Variants in ACVR2A observed in about 807,000 individuals in gnomAD.
ACVR2A encodes the protein activin A receptor type 2A.
ACVR2A carries 7 observed loss-of-function variants against 61.4 expected under a neutral mutation model. That is an observed-to-expected ratio of 0.11 (90% CI 0.06 to 0.21). The LOEUF is 0.21. Ranked by LOEUF, ACVR2A falls within the 10% of genes least tolerant of loss-of-function variation. The pLI is 1.00. For missense variants in ACVR2A, 322 were observed against 621.7 expected, an observed-to-expected ratio of 0.52 and a Z score of 5.13; for synonymous variants, 193 against 208.3, an observed-to-expected ratio of 0.93 and a Z score of 0.63.
At position 147,917,543 on chromosome 2, in the gene ACVR2A, C is replaced by A. The variant is rs1040618281; in HGVS notation, c.816+117C>A. The A allele has an allele frequency of 7.2e-6, 8 of 1,105,902 alleles. No homozygotes were observed. The African/African-American group carries it at 9.9e-5, about 14-fold the overall frequency. 68.5% of individuals were successfully genotyped at this position (1,105,902 alleles called of 1,614,324 possible). A position where few individuals can be genotyped will look rare whatever the true frequency, so the allele number is the denominator to read the frequency against. The stretch of plus-strand genomic sequence containing the variant: ...CATCTTATAGTTGATTAATATTTAA[C>A]CTGAAAATAAAAATCATTCTTGAAT... On this transcript the variant is annotated intron_variant, in intron 6 of 10. Coordinates refer to ENST00000241416, the MANE Select transcript of ACVR2A (RefSeq NM_001616.5).
At chr2:147,876,866 A>G (rs569875022) in intron 1 of ACVR2A, among the ~76,000 whole-genome samples, 159 of 152,286 alleles carry the variant, frequency 1.0e-3, no homozygotes, top group Non-Finnish European at 1.6e-3. Flanking sequence ...AGCAGTTCTG[A>G]TAGACACAGT....
At chr2:147,898,863 C>T (rs1192159966) in intron 2 of ACVR2A, among the ~76,000 whole-genome samples, 1 of 151,490 alleles carries the variant, frequency 6.6e-6, no homozygotes, top group Non-Finnish European at 1.5e-5. Flanking sequence ...TCATCTCAAC[C>T]CTGTTCATTG....
intron 5 of ACVR2A, 95 bp from the exon 6 acceptor site, chr2:147,917,188 T>C: frequency 1.5e-6 from 2 of 1,303,042 alleles, no homozygotes; most frequent in Non-Finnish European, 2.0e-6. Context: ...TGTTTTGTTT[T>C]GTTTTACTTT....
chr2:147,844,597 G>C (rs1685250026), upstream of ACVR2A: 1 of 152,942 alleles, frequency 6.5e-6, no homozygotes. Context: ...CGCCTGCACC[G>C]CCGCCGCCGC....
At chr2:147,895,727 TTTTC>T (rs1330510618) in intron 1 of ACVR2A, among the ~76,000 whole-genome samples, 2 of 152,184 alleles carry the variant, frequency 1.3e-5, no homozygotes, top group Non-Finnish European at 2.9e-5. Flanking sequence ...TAATATTGTC[TTTTC>T]TTTAGCTTAC....
At position 147,882,522 on chromosome 2, in the gene ACVR2A, C is replaced by T. The variant is rs551963461; in HGVS notation, c.56-13779C>T. Among the ~76,000 whole-genome samples the T allele has an allele frequency of 3.3e-5, 5 of 152,284 alleles. No homozygotes were observed. In the South Asian group the frequency reaches 8.3e-4, roughly 25 times the overall value. On this transcript the variant is annotated intron_variant, in intron 1 of 10. Transcript: ENST00000241416. ...GCCGCTAAGATTGGGCCACTGCACT[C>T]CAGCCTGAACAACAGAGTGAGACTC...
intron 2 of ACVR2A, among the ~76,000 whole-genome samples, chr2:147,898,823 T>C (rs994200285): frequency 1.3e-5 from 2 of 152,108 alleles, no homozygotes; most frequent in African/African-American, 4.8e-5. Context: ...GTGATTATTG[T>C]TTACGTGTTT....
chr2:147,893,254 G>C (rs1178914452), intron 1 of ACVR2A, among the ~76,000 whole-genome samples: 1 of 152,026 alleles, frequency 6.6e-6, no homozygotes, highest in African/African-American at 2.4e-5. Context: ...CTTTTTTATT[G>C]TATGGATATT....
intron 1 of ACVR2A, among the ~76,000 whole-genome samples, chr2:147,852,797 A>G (rs766846958): frequency 6.6e-6 from 1 of 152,094 alleles, no homozygotes; most frequent in East Asian, 1.9e-4. Flanking sequence ...AAGACACAAA[A>G]TAGCATCAGG....
chr2:147,879,848 G>A (rs2105168818), intron 1 of ACVR2A, among the ~76,000 whole-genome samples: 1 of 152,306 alleles, frequency 6.6e-6, no homozygotes, highest in Non-Finnish European at 1.5e-5. Flanking sequence ...TGTTGCTATA[G>A]TCCAGGGAGA....
chr2:147,845,301 TGGAGCCTG>T, intron 1 of ACVR2A, 94 bp downstream of exon 1: 1 of 1,134,938 alleles, frequency 8.8e-7, no homozygotes, highest in East Asian at 3.3e-5. Context: ...GAGAGTCCAG[TGGAGCCTG>T]GGGAGGTTGC....
intron 1 of ACVR2A, among the ~76,000 whole-genome samples, chr2:147,846,974 T>TA (rs1685328018): frequency 6.6e-6 from 1 of 152,118 alleles, no homozygotes; most frequent in Admixed American, 6.5e-5. Context: ...CTCAAGGTAT[T>TA]ACTTCTTGAA....
chr2:147,850,987 G>C (rs13022827), intron 1 of ACVR2A, among the ~76,000 whole-genome samples: 136,384 of 152,122 alleles, frequency 0.9, 62,723 homozygotes, highest in East Asian at 1. Context: ...GACTTGAGCT[G>C]TGGTGTCAGT....
At chr2:147,884,351 AGAACTGCATG>A (rs371546417) in intron 1 of ACVR2A, among the ~76,000 whole-genome samples, 25 of 152,140 alleles carry the variant, frequency 1.6e-4, no homozygotes, top group African/African-American at 6.0e-4. Context: ...TTAGGGCCAG[AGAACTGCATG>A]GAACTATTTT....
intron 1 of ACVR2A, among the ~76,000 whole-genome samples, chr2:147,891,039 T>G (rs1686570139): frequency 6.6e-6 from 1 of 152,106 alleles, no homozygotes; most frequent in Admixed American, 6.5e-5. Context: ...AAATGGCCCT[T>G]TGTTTATCTT....
chr2:147,880,744 T>C (rs1446466863), intron 1 of ACVR2A, among the ~76,000 whole-genome samples: 1 of 152,222 alleles, frequency 6.6e-6, no homozygotes, highest in Non-Finnish European at 1.5e-5. Flanking sequence ...TTCTGCTTAA[T>C]ACCTAGGTTG....
chr2:147,881,602 AGTGTGTGTGTGTGTGTGTGTGT>A (rs145075375), intron 1 of ACVR2A, among the ~76,000 whole-genome samples: 5 of 81,444 alleles, frequency 6.1e-5, no homozygotes, highest in Admixed American at 6.0e-4. Flanking sequence ...GAAGCTGCTT[AGTGTGTGTGTGTGTGTGTGTGT>A]GTGTGTGTGT....
rs527292106 is a variant in ACVR2A at position 147,909,862 on chromosome 2, G to A, written c.529-5329G>A. The stretch of plus-strand genomic sequence containing the variant: ...TCCCTGTGTTGCCTAGGCTGGTCTC[G>A]AACTCCTGAGCTCAAAGATCCTCCT... On this transcript the variant is annotated intron_variant, in intron 4 of 10. Transcript: ENST00000241416. 1.1e-3 allele frequency among the ~76,000 whole-genome samples: 167 copies of A among 151,994 alleles called. 1 individual carries two copies. Among genetic ancestry groups the A allele is most frequent in the Middle Eastern group, 3.4e-3 (1 of 294 alleles).
At chr2:147,887,859 T>C (rs1230974093) in intron 1 of ACVR2A, among the ~76,000 whole-genome samples, 1 of 152,190 alleles carries the variant, frequency 6.6e-6, no homozygotes, top group African/African-American at 2.4e-5. Flanking sequence ...GTGTGCACTT[T>C]GGGAGAAGGA....
Sources: allele counts gnomAD v4.1 joint callset (sites outside exome capture counted in the v4.1 genomes callset), GRCh38; gene constraint gnomAD v4.1.1; transcripts MANE v1.5; gene names NCBI Gene and HGNC (gene_info 2026-07-23, HGNC 2026-07-21).